The following CD37 variants were observed in gnomAD, a reference collection of about 807,000 sequenced individuals.
CD37 encodes the protein CD37 molecule.
Under a neutral mutation model 38.9 loss-of-function variants are expected in CD37, and 37 were observed. The observed-to-expected ratio is 0.95, with a 90% confidence interval of 0.73 to 1.25. The LOEUF (loss-of-function observed/expected upper bound fraction) is 1.25, where lower values mean the gene tolerates loss of function less well. Among genes scored for constraint, CD37 ranks in the 50% most tolerant of loss-of-function variants. The pLI, the probability that CD37 is intolerant of heterozygous loss-of-function variation, is 0.00. For synonymous variants in CD37, 146 were observed against 150.1 expected (o/e 0.97, Z 0.20); for missense variants, 351 against 360.1 (o/e 0.97, Z 0.20).
Position 49,339,650 on chromosome 19 carries a change from CT to C in CD37, c.768+238del. 4.2e-6 allele frequency: 6 copies of C among 1,428,852 alleles called. No individual in the cohort carries two copies. The highest frequency in any genetic ancestry group is 5.5e-6 in the Non-Finnish European group (6 of 1,096,250). The allele number at this position is 1,428,852 out of a possible 1,614,324, so 88.5% of individuals were successfully genotyped here. A position where few individuals can be genotyped will look rare whatever the true frequency, so the allele number is the denominator to read the frequency against. On this transcript the variant is annotated intron_variant, in intron 7 of 7. Coordinates refer to ENST00000323906, the MANE Select transcript of CD37 (RefSeq NM_001774.3). The surrounding 1 kb of genome is among the most constrained non-coding windows in gnomAD (Gnocchi z 4.5). ...ATTGGCTGCGATCTCCCTCCCCTTT[CT>C]CCGCAGATGACTGTCATGGTGCTGA...
At chr19:49,337,737 G>A (rs1568549730) in intron 4 of CD37, 188 bp from the exon 5 acceptor site, 6 of 1,536,264 alleles carry the variant, frequency 3.9e-6, no homozygotes, top group Non-Finnish European at 4.4e-6. Flanking sequence ...AGAAGAGACA[G>A]AGACTTATGA....
At position 49,340,342 on chromosome 19, in the gene CD37, CAA is replaced by C. The variant is rs758759832; in HGVS notation, c.*16_*17del. 5 of 1,578,426 alleles carry C rather than the reference CAA, an allele frequency of 3.2e-6. No individual in the cohort carries two copies. The Admixed American group carries it at 6.7e-5, about 21-fold the overall frequency. On this transcript the variant is annotated 3_prime_UTR_variant, in exon 8 of 8. Coordinates refer to ENST00000323906, the MANE Select transcript of CD37 (RefSeq NM_001774.3). ...CGATACCGTTAGGCCCCGCCCTCCC[CAA>C]AGTCCCGCCCCGCCCCCGTCACGTG...
Position 49,339,367 on chromosome 19 carries a change from A to C in CD37, c.722A>C (p.Asn241Thr). 6.2e-7 allele frequency: 1 copy of C among 1,613,802 alleles called. No individual in the cohort carries two copies. Among genetic ancestry groups the C allele is most frequent in the Non-Finnish European group, 8.5e-7 (1 of 1,179,878 alleles). ...GGCCTCCAGAAGTGGCTGCACAACA[A>C]CCTTATTTCCATAGTGGGCATTTGC... is the stretch of plus-strand genomic sequence containing the variant. ...AQGLQKWLHN[N>T]LISIVGICLG... is the part of the protein sequence containing the mutation. The change falls in exon 7 of 8, where the codon AAC becomes ACC. Residue 241 changes from asparagine (N) to threonine (T), a missense_variant. Asn to Thr is a moderately conservative substitution (Grantham distance 65). Transcript: ENST00000323906. The surrounding 1 kb of genome is among the most constrained non-coding windows in gnomAD (Gnocchi z 4.5).
At position 49,337,884 on chromosome 19, in the gene CD37, G is replaced by A. The variant is rs760721886; in HGVS notation, c.343-41G>A. 15 of 1,611,964 alleles carry A rather than the reference G, an allele frequency of 9.3e-6. No individual in the cohort carries two copies. In the African/African-American group the frequency reaches 2.0e-4, roughly 22 times the overall value. On this transcript the variant is annotated intron_variant, in intron 4 of 7. Coordinates refer to ENST00000323906, the MANE Select transcript of CD37 (RefSeq NM_001774.3). The stretch of plus-strand genomic sequence containing the variant: ...CACAGCCTGAGAGGGGGAGGGGTGG[G>A]GCGGGGAAGATAAGGCCCAGCCTCA...
chr19:49,337,749 C>T (rs1282582317), intron 4 of CD37, 176 bp from the exon 5 acceptor site: 12 of 1,536,460 alleles, frequency 7.8e-6, no homozygotes, highest in Admixed American at 2.0e-5. Context: ...GACTTATGAG[C>T]CGTAGAAATA....
intron 2 of CD37, 77 bp from the exon 3 acceptor site, chr19:49,336,832 G>C (rs745892759): frequency 6.5e-7 from 1 of 1,545,928 alleles, no homozygotes; most frequent in Non-Finnish European, 8.8e-7. Flanking sequence ...CCCCACTTGG[G>C]TGGCTGCCTA....
intron 4 of CD37, 145 bp from the exon 5 acceptor site, chr19:49,337,778 CAG>C (rs1971012082): frequency 6.5e-7 from 1 of 1,542,084 alleles, no homozygotes; most frequent in Admixed American, 2.0e-5. Context: ...AACAGAAAGA[CAG>C]ACCTGAAGTA....
In CD37 at chr19:49,335,639, G is replaced by A. The variant is rs750958811; in HGVS notation, c.69+30G>A. 13 of 1,610,992 alleles carry A rather than the reference G, an allele frequency of 8.1e-6. 1 individual carries two copies. Among genetic ancestry groups the A allele is most frequent in the Middle Eastern group, 1.6e-4 (1 of 6,078 alleles). Reference sequence around the variant, plus strand: ...GTTGCCTCATGGCTACCCAGCCGGGGCCCAGCCCCTGCCGCTAACCCAGCC... The same window carrying A: ...GTTGCCTCATGGCTACCCAGCCGGGACCCAGCCCCTGCCGCTAACCCAGCC... On this transcript the variant is annotated intron_variant, in intron 1 of 7. Transcript: ENST00000323906. This position sits in a 1 kb window ranked among gnomAD's most constrained non-coding sequence, Gnocchi z 4.6.
chr19:49,337,601 C>T lies in CD37; in HGVS notation c.343-324C>T, dbSNP rs1478301468. On this transcript the variant is annotated intron_variant, in intron 4 of 7. Transcript: ENST00000323906. ...CTCAGCCTGGGTGACAGAGTGAGAC[C>T]CTGTCTCAAAAAATAAATTAATAGA... 3 of 1,420,662 alleles carry T rather than the reference C, an allele frequency of 2.1e-6. No homozygotes were observed. In the African/African-American group the frequency reaches 4.3e-5, roughly 20 times the overall value. 88.0% of individuals were successfully genotyped at this position (1,420,662 alleles called of 1,614,324 possible). A position where few individuals can be genotyped will look rare whatever the true frequency, so the allele number is the denominator to read the frequency against.
rs1971064870 is a variant in CD37, at chr19:49,338,905, C to A, written c.653C>A (p.Ala218Asp). The change falls in exon 6 of 8, where the codon GCT (alanine) becomes GAT (aspartate). Residue 218 changes from alanine (A) to aspartate (D), a missense_variant. Transcript: ENST00000323906. This position sits in a 1 kb window ranked among gnomAD's most constrained non-coding sequence, Gnocchi z 5.0. ...ARSRHSADIC[A>D]VPAESHIYRE... is the part of the protein sequence containing the mutation. ...TCCAGACACAGTGCAGACATCTGCG[C>A]TGTCCCTGCAGAGAGCCACATCTAC... 1.3e-5 allele frequency: 21 copies of A among 1,613,910 alleles called. No individual in the cohort carries two copies. Among genetic ancestry groups the A allele is most frequent in the African/African-American group, 2.7e-5 (2 of 74,924 alleles).
At chr19:49,336,125 T>C in intron 2 of CD37, 1 of 338,604 alleles carries the variant, frequency 3.0e-6, no homozygotes, top group Non-Finnish European at 5.4e-6. Context: ...AGAGCCAAAA[T>C]AACATTAATA....
At position 49,338,614 on chromosome 19, in the gene CD37, T is replaced by A; in HGVS notation, c.448-86T>A. 2.0e-6 allele frequency: 2 copies of A among 976,364 alleles called. No homozygotes were observed. Among genetic ancestry groups the A allele is most frequent in the East Asian group, 4.8e-5 (2 of 41,606 alleles). The allele number at this position is 976,364 out of a possible 1,614,324, so 60.5% of individuals were successfully genotyped here. A position where few individuals can be genotyped will look rare whatever the true frequency, so the allele number is the denominator to read the frequency against. ...CCACTTAGTCCCCTGCTCCCCGACCTGACCTCATACCCATCACCTTGTCCC... is the reference window on the plus strand; with the variant it reads ...CCACTTAGTCCCCTGCTCCCCGACCAGACCTCATACCCATCACCTTGTCCC... On this transcript the variant is annotated intron_variant, in intron 5 of 7. Transcript: ENST00000323906. The surrounding 1 kb of genome is among the most constrained non-coding windows in gnomAD (Gnocchi z 5.0).
chr19:49,340,140 C>CT, intron 7 of CD37, 111 bp from the exon 8 acceptor site: 3 of 1,535,196 alleles, frequency 2.0e-6, no homozygotes. Flanking sequence ...TCTCCAGCCC[C>CT]TTCCCGCCCA....
chr19:49,338,990 G>A lies in CD37; in HGVS notation c.684+54G>A. On this transcript the variant is annotated intron_variant, in intron 6 of 7. Coordinates refer to ENST00000323906, the MANE Select transcript of CD37 (RefSeq NM_001774.3). This position sits in a 1 kb window ranked among gnomAD's most constrained non-coding sequence, Gnocchi z 5.0. ...TCGAATGGGGCGGGGCCTGCGGGAG[G>A]GGGAGGGCTGTCAGTGAGTAGCGGC... 1 of 1,366,490 alleles carries A rather than the reference G, an allele frequency of 7.3e-7. No homozygotes were observed. Among genetic ancestry groups the A allele is most frequent in the Non-Finnish European group, 1.0e-6 (1 of 963,000 alleles). The allele number at this position is 1,366,490 out of a possible 1,614,324, so 84.6% of individuals were successfully genotyped here. A position where few individuals can be genotyped will look rare whatever the true frequency, so the allele number is the denominator to read the frequency against.
rs764890793 is a variant in CD37 at position 49,336,911 on chromosome 19, T to C, written c.145T>C (p.Leu49=). 2.5e-6 allele frequency: 4 copies of C among 1,614,092 alleles called. No homozygotes were observed. Among genetic ancestry groups the C allele is most frequent in the Admixed American group, 3.3e-5 (2 of 60,024 alleles). ...DKTSFVSFVG[L]AFVPLQIWSK... Reference sequence around the variant, plus strand: ...ATCACTCCCCTCACCTCTCCCAGGCTTGGCCTTCGTGCCTCTGCAGATCTG... The same window carrying C: ...ATCACTCCCCTCACCTCTCCCAGGCCTGGCCTTCGTGCCTCTGCAGATCTG... Residue 49 remains leucine, a splice_region_variant and synonymous_variant, in exon 3 of 8, where the codon TTG becomes CTG. Coordinates refer to ENST00000323906, the MANE Select transcript of CD37 (RefSeq NM_001774.3).
chr19:49,335,697 G>A lies in CD37; in HGVS notation c.70-17G>A, dbSNP rs114228102. 1,434 of 1,613,438 alleles carry A rather than the reference G, an allele frequency of 8.9e-4. 11 individuals carry two copies. In the African/African-American group the frequency reaches 0.015, roughly 17 times the overall value. On this transcript the variant is annotated splice_polypyrimidine_tract_variant and intron_variant, in intron 1 of 7. Coordinates refer to ENST00000323906, the MANE Select transcript of CD37 (RefSeq NM_001774.3). This position sits in a 1 kb window ranked among gnomAD's most constrained non-coding sequence, Gnocchi z 4.6. ...TCCCCTGTGGCCCACCCCCGTATCC[G>A]CATCTCCTCTCCCCAGGTCCTCGGC... is the stretch of plus-strand genomic sequence containing the variant.
chr19:49,337,303 G>C (rs757733819), intron 4 of CD37, 82 bp downstream of exon 4: 2 of 1,358,730 alleles, frequency 1.5e-6, no homozygotes, highest in Non-Finnish European at 2.1e-6. Flanking sequence ...GAGAGAGACC[G>C]AAACAAGGGC....
At position 49,338,781 on chromosome 19, in the gene CD37, G is replaced by T; in HGVS notation, c.529G>T (p.Val177Leu). ...AGGTAACGGGTCGGAGGCGCACCGC[G>T]TGCCCTGCTCCTGCTACAACTTGTC... is the stretch of plus-strand genomic sequence containing the variant. The part of the protein sequence containing the change: ...LRGNGSEAHR[V>L]PCSCYNLSAT... Residue 177 changes from valine to leucine, a missense_variant, in exon 6 of 8, where the codon GTG (valine) becomes TTG (leucine). Transcript: ENST00000323906. This position sits in a 1 kb window ranked among gnomAD's most constrained non-coding sequence, Gnocchi z 5.0. 1 of 1,613,866 alleles carries T rather than the reference G, an allele frequency of 6.2e-7. No individual in the cohort carries two copies. The highest frequency in any genetic ancestry group is 8.5e-7 in the Non-Finnish European group (1 of 1,180,020).
rs1407733698 is a variant in CD37 at position 49,339,616 on chromosome 19, C to A, written c.768+203C>A. On this transcript the variant is annotated intron_variant, in intron 7 of 7. Transcript: ENST00000323906. This position sits in a 1 kb window ranked among gnomAD's most constrained non-coding sequence, Gnocchi z 4.5. ...CCTGATTGGGTGTACGCAGGGAAAG[C>A]CTCCTGCTATTGGCTGCGATCTCCC... 3 of 1,435,558 alleles carry A rather than the reference C, an allele frequency of 2.1e-6. No individual in the cohort carries two copies. In the Admixed American group the frequency reaches 8.6e-5, roughly 41 times the overall value. The allele number at this position is 1,435,558 out of a possible 1,614,324, so 88.9% of individuals were successfully genotyped here.
Sources: allele counts gnomAD v4.1 joint callset, GRCh38; gene constraint gnomAD v4.1.1; non-coding constraint Gnocchi (gnomAD v3.1); transcripts MANE v1.5; gene names NCBI Gene and HGNC (gene_info 2026-07-23, HGNC 2026-07-21).